PHTF1: variants seen among roughly 807,000 people sequenced by gnomAD.
The protein encoded by PHTF1 is protein PHTF1.
A neutral mutation model predicts 102.4 loss-of-function variants in PHTF1; 88 were observed. That is an observed-to-expected ratio of 0.86 (90% confidence interval 0.72 to 1.03). The LOEUF is 1.03. Among genes scored for constraint, PHTF1 ranks in the 50% least tolerant of loss-of-function variants. The pLI is 0.00. For missense variants in PHTF1, 814 were observed against 909.5 expected, an observed-to-expected ratio of 0.89 and a Z score of 1.35; for synonymous variants, 289 against 305.2, an observed-to-expected ratio of 0.95 and a Z score of 0.55.
chr1:113,751,725 C>T (rs888273661), intron 3 of PHTF1, among the ~76,000 whole-genome samples: 1 of 152,074 alleles, frequency 6.6e-6, no homozygotes, highest in East Asian at 1.9e-4. Context: ...AGTAGATACC[C>T]TAAATATAGG....
At chr1:113,729,086 C>T (rs184269913) in intron 5 of PHTF1, among the ~76,000 whole-genome samples, 111 of 152,154 alleles carry the variant, frequency 7.3e-4, no homozygotes, top group African/African-American at 2.5e-3. Context: ...TACTATCCAG[C>T]CATAAAAAAG....
chr1:113,699,653 G>A (rs1649226445), intron 17 of PHTF1, 51 bp downstream of exon 17: 1 of 804,662 alleles, frequency 1.2e-6, no homozygotes, highest in African/African-American at 1.7e-5. Flanking sequence ...TTAGAGAAAA[G>A]ACTGATTTAA....
chr1:113,750,643 A>G (rs904872690), intron 3 of PHTF1, among the ~76,000 whole-genome samples: 3 of 151,752 alleles, frequency 2.0e-5, no homozygotes, highest in African/African-American at 7.3e-5. Context: ...CAGATCATGA[A>G]ATCAAGAGAT....
intron 17 of PHTF1, chr1:113,699,400 T>C: frequency 2.0e-6 from 1 of 511,806 alleles, no homozygotes; most frequent in East Asian, 4.5e-5. Context: ...GCCTTGAACC[T>C]GGTCCTTGAT....
intron 5 of PHTF1, among the ~76,000 whole-genome samples, chr1:113,736,497 C>A (rs931187117): frequency 2.0e-5 from 3 of 152,126 alleles, no homozygotes; most frequent in Non-Finnish European, 4.4e-5. Context: ...GTAATCCCAG[C>A]ACTTTGGGAG....
chr1:113,738,630 T>G, intron 4 of PHTF1, 100 bp downstream of exon 4: 1 of 752,748 alleles, frequency 1.3e-6, no homozygotes, highest in Non-Finnish European at 2.2e-6. Context: ...GTGTTACATT[T>G]AGAAATTAAA....
chr1:113,735,936 A>G (rs956460811), intron 5 of PHTF1, among the ~76,000 whole-genome samples: 2 of 152,304 alleles, frequency 1.3e-5, no homozygotes. Context: ...AGTCGTAAAG[A>G]GAATATATTG....
In PHTF1 at chr1:113,700,947, A is replaced by G; in HGVS notation, c.1893T>C (p.Val631=). ...TCAGGAAAGTTTTATGTCCTTGGAG[A>G]ACCTATACAAAGGATCAAAAAAAAG... ...LSIAFICCAQ[V]LQGHKTFLND... Residue 631 remains valine, a splice_region_variant and synonymous_variant, in exon 16 of 19, where the codon GTT becomes GTC. Coordinates refer to ENST00000369604, the MANE Select transcript of PHTF1 (RefSeq NM_001323043.2). 6.3e-7 allele frequency: 1 copy of G among 1,599,646 alleles called. No individual in the cohort carries two copies. Among genetic ancestry groups the G allele is most frequent in the African/African-American group, 1.4e-5 (1 of 73,928 alleles).
chr1:113,741,517 T>C (rs1656347638), intron 3 of PHTF1, among the ~76,000 whole-genome samples: 2 of 152,254 alleles, frequency 1.3e-5, no homozygotes, highest in Admixed American at 6.5e-5. Context: ...TCTGGACATT[T>C]GTACCAGTGC....
At chr1:113,733,060 ATTT>A (rs386368123) in intron 5 of PHTF1, among the ~76,000 whole-genome samples, 4 of 84,162 alleles carry the variant, frequency 4.8e-5, no homozygotes, top group Admixed American at 1.7e-4. Context: ...CGCCTGGCTA[ATTT>A]TTTTTTTTTT....
At chr1:113,723,102 G>C (rs956996061) in intron 7 of PHTF1, among the ~76,000 whole-genome samples, 1 of 151,732 alleles carries the variant, frequency 6.6e-6, no homozygotes, top group Non-Finnish European at 1.5e-5. Flanking sequence ...GAGCATGGTA[G>C]TGGCATAAAA....
At chr1:113,731,557 GAAA>G (rs1654646873) in intron 5 of PHTF1, among the ~76,000 whole-genome samples, 1 of 150,416 alleles carries the variant, frequency 6.6e-6, no homozygotes, top group Non-Finnish European at 1.5e-5. Context: ...AAGAAAGAAA[GAAA>G]GAAAAAAATC....
intron 5 of PHTF1, among the ~76,000 whole-genome samples, chr1:113,726,907 C>T (rs1653932616): frequency 6.6e-6 from 1 of 152,126 alleles, no homozygotes; most frequent in South Asian, 2.1e-4. Flanking sequence ...AGAGTATTTT[C>T]CAAGGCTACA....
chr1:113,706,078 G>A lies in PHTF1; in HGVS notation c.1483C>T (p.Arg495Ter), dbSNP rs749656850. 8.7e-6 allele frequency: 14 copies of A among 1,614,018 alleles called. No individual in the cohort carries two copies. The highest frequency in any genetic ancestry group is 2.7e-5 in the African/African-American group (2 of 75,034). ...IGLAFFPFLH[R>*]LFREKSLDQL... is the part of the protein sequence containing the mutation. ...TCAAGGCTCTTCTCACGGAAAAGTCGATGTAAGAATGGAAAAAATGCTAAT... is the reference window on the plus strand; with the variant it reads ...TCAAGGCTCTTCTCACGGAAAAGTCAATGTAAGAATGGAAAAAATGCTAAT... Residue 495 changes from arginine (R) to a stop codon, truncating the protein, a stop_gained, in exon 13 of 19, where the codon CGA (arginine) becomes TGA (stop). Transcript: ENST00000369604. LOFTEE classifies it high-confidence loss of function.
chr1:113,742,056 A>G (rs571606304), intron 3 of PHTF1, among the ~76,000 whole-genome samples: 1 of 152,318 alleles, frequency 6.6e-6, no homozygotes. Flanking sequence ...GGCAGGCACT[A>G]TCCTAAGCAC....
intron 3 of PHTF1, among the ~76,000 whole-genome samples, chr1:113,754,479 G>A (rs948337935): frequency 6.6e-6 from 1 of 151,894 alleles, no homozygotes; most frequent in South Asian, 2.1e-4. Flanking sequence ...CTGCCACATT[G>A]TAGGTAAGCA....
chr1:113,719,335 A>G (rs1652560147), intron 7 of PHTF1, among the ~76,000 whole-genome samples: 1 of 152,130 alleles, frequency 6.6e-6, no homozygotes, highest in African/African-American at 2.4e-5. Context: ...TAGTCAGGGC[A>G]CAAATTTTCC....
At chr1:113,751,141 T>C (rs926440393) in intron 3 of PHTF1, among the ~76,000 whole-genome samples, 11 of 152,180 alleles carry the variant, frequency 7.2e-5, no homozygotes, top group Admixed American at 3.3e-4. Context: ...ACAATTTTAA[T>C]TGTGAATATG....
chr1:113,741,177 T>C (rs535416586), intron 3 of PHTF1, among the ~76,000 whole-genome samples: 2 of 152,390 alleles, frequency 1.3e-5, no homozygotes, highest in South Asian at 2.1e-4. Context: ...TGAACCAGTA[T>C]TGATCTTTAG....
Sources: gnomAD v4.1 joint callset for allele counts (sites outside exome capture counted in the v4.1 genomes callset) on GRCh38, gnomAD v4.1.1 for gene constraint, MANE v1.5 for transcripts, NCBI Gene and HGNC (gene_info 2026-07-23, HGNC 2026-07-21) for gene names.